Variants in PRDM16 observed in about 807,000 individuals in gnomAD.
The protein encoded by PRDM16 is PR/SET domain 16, also known as histone-lysine N-methyltransferase PRDM16.
A neutral mutation model predicts 110.6 loss-of-function variants in PRDM16; 23 were observed. The observed-to-expected ratio is 0.21, with a 90% CI of 0.15 to 0.29. The LOEUF (loss-of-function observed/expected upper bound fraction) is 0.29. Among genes scored for constraint, PRDM16 ranks in the 10% least tolerant of loss-of-function variants. PRDM16 has a pLI of 1.00. For synonymous variants in PRDM16, 799 were observed against 781.8 expected (o/e 1.02, Z -0.37); for missense variants, 1,615 against 1,794.3 (o/e 0.90, Z 1.81).
chr1:3,107,026 G>A (rs1323027511), intron 1 of PRDM16, among the ~76,000 whole-genome samples: 1 of 152,234 alleles, frequency 6.6e-6, no homozygotes, highest in Non-Finnish European at 1.5e-5. Flanking sequence ...GCAGGCCCTA[G>A]GGCCAGGTGT....
chr1:3,092,484 G>C (rs961198256), intron 1 of PRDM16, among the ~76,000 whole-genome samples: 5 of 139,042 alleles, frequency 3.6e-5, no homozygotes, highest in African/African-American at 7.5e-5. Context: ...TTGTGACCAT[G>C]GACATGCTGG....
chr1:3,385,012 C>T (rs113915415), intron 3 of PRDM16, 140 bp from the exon 4 acceptor site: 37 of 1,029,300 alleles, frequency 3.6e-5, no homozygotes, highest in Admixed American at 9.4e-5. Context: ...CGCTGATGCC[C>T]GGAGGGTGGG....
At chr1:3,166,921 G>A (rs1643964021) in intron 1 of PRDM16, among the ~76,000 whole-genome samples, 1 of 152,214 alleles carries the variant, frequency 6.6e-6, no homozygotes, top group South Asian at 2.1e-4. Context: ...TTCTCCTGCT[G>A]CATAGATGCT....
intron 2 of PRDM16, among the ~76,000 whole-genome samples, chr1:3,225,679 C>A (rs1639273996): frequency 6.6e-6 from 1 of 151,986 alleles, no homozygotes; most frequent in African/African-American, 2.4e-5. Flanking sequence ...GAAAAAAAAA[C>A]ACATGAGAAT....
intron 4 of PRDM16, among the ~76,000 whole-genome samples, chr1:3,393,187 C>T (rs75481520): frequency 0.013 from 2,003 of 152,354 alleles, 22 homozygotes; most frequent in South Asian, 0.037. Context: ...CCGTGCAACA[C>T]AACCCGGGGA....
At chr1:3,365,253 A>G (rs992072401) in intron 3 of PRDM16, among the ~76,000 whole-genome samples, 1 of 151,946 alleles carries the variant, frequency 6.6e-6, no homozygotes, top group African/African-American at 2.4e-5. Context: ...TCTGCCACAC[A>G]CTCAGCCTGC....
intron 3 of PRDM16, among the ~76,000 whole-genome samples, chr1:3,298,758 G>C (rs536298323): frequency 6.6e-6 from 1 of 152,286 alleles, no homozygotes; most frequent in South Asian, 2.1e-4. Flanking sequence ...TCCTAGAAAT[G>C]CCAGTTCTGG....
At chr1:3,248,145 C>T (rs967515144) in intron 3 of PRDM16, among the ~76,000 whole-genome samples, 6 of 152,200 alleles carry the variant, frequency 3.9e-5, no homozygotes, top group African/African-American at 1.4e-4. Flanking sequence ...ATAGGATAGA[C>T]ATTTGGCAAA....
At chr1:3,251,461 GGACCAGTCAGGGTGGTGGGAACCCAGC>G (rs1339285312) in intron 3 of PRDM16, among the ~76,000 whole-genome samples, 1 of 152,158 alleles carries the variant, frequency 6.6e-6, no homozygotes, top group Non-Finnish European at 1.5e-5. Flanking sequence ...TGGGAACGAG[GGACCAGTCAGGGTGGTGGGAACCCAGC>G]GACCAGGGTA....
At chr1:3,196,742 T>A (rs1638487875) in intron 2 of PRDM16, among the ~76,000 whole-genome samples, 1 of 152,210 alleles carries the variant, frequency 6.6e-6, no homozygotes, top group South Asian at 2.1e-4. Flanking sequence ...TGTGGGGCAC[T>A]TGGAGGAGTC....
intron 2 of PRDM16, among the ~76,000 whole-genome samples, chr1:3,212,700 C>CCGTCCTCCCGCT (rs1638926917): frequency 1.3e-5 from 1 of 76,136 alleles, no homozygotes; most frequent in Non-Finnish European, 2.1e-5. Context: ...GTCCTCTCTG[C>CCGTCCTCCCGCT]CACTGTGGAT....
intron 1 of PRDM16, among the ~76,000 whole-genome samples, chr1:3,153,886 A>G (rs1375298049): frequency 6.6e-6 from 1 of 152,274 alleles, no homozygotes; most frequent in Admixed American, 6.5e-5. Context: ...CAAAATGCAA[A>G]TTAATACGTG....
At chr1:3,070,604 C>T (rs1299141474) in intron 1 of PRDM16, among the ~76,000 whole-genome samples, 1 of 151,068 alleles carries the variant, frequency 6.6e-6, no homozygotes, top group Non-Finnish European at 1.5e-5. Context: ...CGACCCACGC[C>T]GTTCCGTCCG....
chr1:3,097,294 T>C (rs1008017956), intron 1 of PRDM16, among the ~76,000 whole-genome samples: 11 of 152,102 alleles, frequency 7.2e-5, no homozygotes, highest in African/African-American at 2.7e-4. Context: ...TTCCTCTGAG[T>C]ACAGAAAGGA....
At chr1:3,200,601 C>T (rs532592019) in intron 2 of PRDM16, among the ~76,000 whole-genome samples, 137 of 152,332 alleles carry the variant, frequency 9.0e-4, no homozygotes, top group African/African-American at 2.8e-3. Context: ...CTCGGCCTCC[C>T]GAAGTGCTGG....
rs542623627 is a variant in PRDM16, at chr1:3,434,909, G to A, written c.*1098G>A. Reference sequence around the variant, plus strand: ...CCCCAGCGGCTCCGGTGTCCTCCACGTGGCTGCCCTGGGGAGCAATCCCAG... The same window carrying A: ...CCCCAGCGGCTCCGGTGTCCTCCACATGGCTGCCCTGGGGAGCAATCCCAG... On this transcript the variant is annotated 3_prime_UTR_variant, in exon 17 of 17. Transcript: ENST00000270722. The A allele has an allele frequency of 5.1e-4, 117 of 231,504 alleles. 1 individual carries two copies. Among genetic ancestry groups the A allele is most frequent in the Non-Finnish European group, 7.2e-4 (84 of 116,888 alleles). 14.3% of individuals were successfully genotyped at this position (231,504 alleles called of 1,614,324 possible). A position where few individuals can be genotyped will look rare whatever the true frequency, so the allele number is the denominator to read the frequency against.
intron 1 of PRDM16, among the ~76,000 whole-genome samples, chr1:3,116,710 G>C (rs1349543849): frequency 6.6e-6 from 1 of 152,182 alleles, no homozygotes; most frequent in Admixed American, 6.5e-5. Context: ...TGACCTCAGA[G>C]GTCAGAAGCC....
rs7550644 is a variant in PRDM16 at position 3,326,046 on chromosome 1, G to A, written c.439-59106G>A. ...CCTTGGCCCTCCTTGGCCATCCTCG[G>A]CCCTCTTGGCCCCCCTTGGCCATCC... On this transcript the variant is annotated intron_variant, in intron 3 of 16. Coordinates refer to ENST00000270722, the MANE Select transcript of PRDM16 (RefSeq NM_022114.4). 2.5e-3 allele frequency among the ~76,000 whole-genome samples: 99 copies of A among 38,880 alleles called. 6 individuals are homozygous for A. Among genetic ancestry groups the A allele is most frequent in the Admixed American group, 8.4e-3 (36 of 4,288 alleles). 25.5% of individuals were successfully genotyped at this position (38,880 alleles called of 152,430 possible). A position where few individuals can be genotyped will look rare whatever the true frequency, so the allele number is the denominator to read the frequency against.
chr1:3,170,912 G>A (rs755526985), intron 1 of PRDM16, among the ~76,000 whole-genome samples: 1 of 152,258 alleles, frequency 6.6e-6, no homozygotes, highest in African/African-American at 2.4e-5. Flanking sequence ...CCGGGGAAAC[G>A]TGTGTTTCAG....
Sources: allele counts gnomAD v4.1 joint callset (sites outside exome capture counted in the v4.1 genomes callset), GRCh38; gene constraint gnomAD v4.1.1; transcripts MANE v1.5; gene names NCBI Gene and HGNC (gene_info 2026-07-23, HGNC 2026-07-21).